The following TMEM87B variants were observed in gnomAD, a reference collection of about 807,000 sequenced individuals.
TMEM87B encodes the protein transmembrane protein 87B.
A neutral mutation model predicts 80.3 loss-of-function variants in TMEM87B; 83 were observed. The observed-to-expected ratio is 1.03, with a 90% CI of 0.87 to 1.24. The LOEUF (loss-of-function observed/expected upper bound fraction) is 1.24. Ranked by LOEUF, TMEM87B falls within the 50% of genes most tolerant of loss-of-function variation. TMEM87B has a pLI of 0.00. For missense variants in TMEM87B, 625 were observed against 674.4 expected, an observed-to-expected ratio of 0.93 and a Z score of 0.81; for synonymous variants, 219 against 230.5, an observed-to-expected ratio of 0.95 and a Z score of 0.45.
chr2:112,074,830 A>G lies in TMEM87B; in HGVS notation c.451-82A>G, dbSNP rs1573694841. 7.2e-6 allele frequency: 10 copies of G among 1,392,792 alleles called. No individual in the cohort carries two copies. In the South Asian group the frequency reaches 1.1e-4, roughly 16 times the overall value. The allele number at this position is 1,392,792 out of a possible 1,614,324, so 86.3% of individuals were successfully genotyped here. A position where few individuals can be genotyped will look rare whatever the true frequency, so the allele number is the denominator to read the frequency against. Reference sequence around the variant, plus strand: ...TTTTTAATTTTTCATTTTTCTTCTAACTTTTTTTCTTAATTATTAAAACAA... The same window carrying G: ...TTTTTAATTTTTCATTTTTCTTCTAGCTTTTTTTCTTAATTATTAAAACAA... On this transcript the variant is annotated intron_variant, in intron 4 of 18. Coordinates refer to ENST00000283206, the MANE Select transcript of TMEM87B (RefSeq NM_032824.3).
At chr2:112,076,054 C>T (rs1028511324) in intron 5 of TMEM87B, among the ~76,000 whole-genome samples, 8 of 152,120 alleles carry the variant, frequency 5.3e-5, no homozygotes, top group Non-Finnish European at 8.8e-5. Context: ...TCATTTCTGA[C>T]AATGTTATCT....
chr2:112,060,076 A>G (rs1678200107), intron 2 of TMEM87B, 39 bp downstream of exon 2: 1 of 1,477,142 alleles, frequency 6.8e-7, no homozygotes, highest in African/African-American at 1.4e-5. Context: ...GACTGGGCGC[A>G]ATGGCTCACG....
intron 17 of TMEM87B, among the ~76,000 whole-genome samples, chr2:112,110,975 C>T (rs909590778): frequency 6.6e-6 from 1 of 152,102 alleles, no homozygotes; most frequent in African/African-American, 2.4e-5. Context: ...TGAATTTTGT[C>T]TACGGTTGTC....
rs779596166 is a variant in TMEM87B at position 112,105,991 on chromosome 2, G to A, written c.1451-11G>A. The A allele has an allele frequency of 9.7e-6, 15 of 1,546,826 alleles. No homozygotes were observed. The Admixed American group carries it at 1.5e-4, about 15-fold the overall frequency. On this transcript the variant is annotated splice_polypyrimidine_tract_variant and intron_variant, in intron 15 of 18. Transcript: ENST00000283206. ...GTGATTTTATATATATGTTTATAAT[G>A]TCTCTCGTAGCCGAAGGAATAAAAT...
At chr2:112,092,333 C>T (rs1043445263) in intron 11 of TMEM87B, among the ~76,000 whole-genome samples, 4 of 152,106 alleles carry the variant, frequency 2.6e-5, no homozygotes, top group Non-Finnish European at 5.9e-5. Context: ...GGCAGAATGT[C>T]CAGGGAAGCC....
Position 112,076,142 on chromosome 2 carries a change from A to C in TMEM87B, c.502-1050A>C, listed in dbSNP as rs1185743517. ...GTGGCAGGTGCCTGGAATTCCAGCT[A>C]CTCGGAGGCTGAGGCACAAGAATTG... On this transcript the variant is annotated intron_variant, in intron 5 of 18. Coordinates refer to ENST00000283206, the MANE Select transcript of TMEM87B (RefSeq NM_032824.3). Among the ~76,000 whole-genome samples the C allele has an allele frequency of 3.9e-5, 6 of 151,992 alleles. No individual in the cohort carries two copies. In the South Asian group the frequency reaches 8.3e-4, roughly 21 times the overall value.
intron 3 of TMEM87B, among the ~76,000 whole-genome samples, chr2:112,066,411 CT>C (rs1214768376): frequency 3.3e-5 from 5 of 152,278 alleles, no homozygotes; most frequent in Non-Finnish European, 4.4e-5. Flanking sequence ...GCCAACTCCA[CT>C]TTTTTTGATG....
In TMEM87B at chr2:112,100,641, A is replaced by G. The variant is rs778315618; in HGVS notation, c.1396A>G (p.Ile466Val). 2.0e-5 allele frequency: 32 copies of G among 1,610,050 alleles called. No individual in the cohort carries two copies. Among genetic ancestry groups the G allele is most frequent in the East Asian group, 1.6e-4 (7 of 44,634 alleles). Residue 466 changes from isoleucine (I) to valine (V), a missense_variant, in exon 15 of 19, where the codon ATA becomes GTA. Ile to Val is a conservative substitution (Grantham distance 29, BLOSUM62 3). Coordinates refer to ENST00000283206, the MANE Select transcript of TMEM87B (RefSeq NM_032824.3). ...NNQRYAFMPLIDDSDDEIEEF... is the reference protein window; with the variant it reads ...NNQRYAFMPLVDDSDDEIEEF... ...CTATAGATATGCCTTCATGCCCTTAATAGATGATTCTGATGATGAAATTGA... is the reference window on the plus strand; with the variant it reads ...CTATAGATATGCCTTCATGCCCTTAGTAGATGATTCTGATGATGAAATTGA...
At chr2:112,087,661 C>A (rs1211285771) in intron 9 of TMEM87B, among the ~76,000 whole-genome samples, 1 of 152,128 alleles carries the variant, frequency 6.6e-6, no homozygotes, top group African/African-American at 2.4e-5. Flanking sequence ...GTGGGTCACC[C>A]CCATCAGCAT....
chr2:112,095,034 A>G (rs1261673340), intron 11 of TMEM87B, among the ~76,000 whole-genome samples: 1 of 151,908 alleles, frequency 6.6e-6, no homozygotes, highest in East Asian at 1.9e-4. Flanking sequence ...CTAAGAATCT[A>G]ATTCTAAAGT....
At position 112,106,019 on chromosome 2, in the gene TMEM87B, AG is replaced by A; in HGVS notation, c.1469del (p.Arg490LysfsTer23). 6.4e-7 allele frequency: 1 copy of A among 1,573,536 alleles called. No homozygotes were observed. The stretch of plus-strand genomic sequence containing the variant: ...TCTCGTAGCCGAAGGAATAAAATTA[AG>A]AGCCTCAAAATCAGTTTCCAATGGA... ...SENLTEGIKLRASKSVSNGTA... is the reference protein window; with the variant it reads ...SENLTEGIKLXASKSVSNGTA... On this transcript the variant is annotated frameshift_variant, in exon 16 of 19. Coordinates refer to ENST00000283206, the MANE Select transcript of TMEM87B (RefSeq NM_032824.3). LOFTEE classifies it high-confidence loss of function.
At chr2:112,110,149 A>C (rs1156796254) in intron 17 of TMEM87B, among the ~76,000 whole-genome samples, 1 of 152,030 alleles carries the variant, frequency 6.6e-6, no homozygotes, top group Non-Finnish European at 1.5e-5. Flanking sequence ...GTCCAGCTTT[A>C]CTTGCTCTCT....
At position 112,116,260 on chromosome 2, in the gene TMEM87B, T is replaced by C; in HGVS notation, c.*117T>C. On this transcript the variant is annotated 3_prime_UTR_variant, in exon 19 of 19. Coordinates refer to ENST00000283206, the MANE Select transcript of TMEM87B (RefSeq NM_032824.3). The stretch of plus-strand genomic sequence containing the variant: ...TTTATTGTGTTATCTTGGAAGTCTG[T>C]GTATCAAAATGAAGAATTCAGATGG... 1.2e-6 allele frequency: 1 copy of C among 847,698 alleles called. No individual in the cohort carries two copies. Among genetic ancestry groups the C allele is most frequent in the Non-Finnish European group, 1.8e-6 (1 of 550,678 alleles). 52.5% of individuals were successfully genotyped at this position (847,698 alleles called of 1,614,324 possible).
intron 17 of TMEM87B, among the ~76,000 whole-genome samples, chr2:112,109,267 A>T (rs1162905567): frequency 6.6e-6 from 1 of 152,144 alleles, no homozygotes; most frequent in Non-Finnish European, 1.5e-5. Context: ...ATGGGTGTAT[A>T]TATTCTTTTA....
At chr2:112,062,462 A>G (rs931142417) in intron 2 of TMEM87B, among the ~76,000 whole-genome samples, 3 of 152,224 alleles carry the variant, frequency 2.0e-5, no homozygotes, top group African/African-American at 7.2e-5. Flanking sequence ...GAAAGTTAGA[A>G]ATAGAAGGAA....
intron 6 of TMEM87B, among the ~76,000 whole-genome samples, chr2:112,078,857 A>G (rs1306992923): frequency 1.3e-5 from 2 of 152,210 alleles, no homozygotes; most frequent in East Asian, 3.8e-4. Flanking sequence ...TGAGTAAATT[A>G]GCAAGGGGGC....
intron 4 of TMEM87B, 54 bp from the exon 5 acceptor site, chr2:112,074,858 T>C: frequency 2.0e-6 from 3 of 1,471,344 alleles, no homozygotes; most frequent in Non-Finnish European, 2.7e-6. Context: ...TAAAACAATT[T>C]TTCTCCGTAG....
Position 112,097,058 on chromosome 2 carries a change from G to T in TMEM87B, c.1119G>T (p.Leu373Phe). Reference protein sequence around the residue: ...SIFVWFIFISLAQTMKTLRLR... With the variant: ...SIFVWFIFISFAQTMKTLRLR... ...ACTTTTTTCACATTTTTATTAGTTT[G>T]GCACAAACTATGAAGACCCTAAGGC... is the stretch of plus-strand genomic sequence containing the variant. Residue 373 changes from leucine (L) to phenylalanine (F), a missense_variant, in exon 12 of 19, where the codon TTG becomes TTT. Physicochemically the swap from Leu to Phe is conservative, Grantham distance 22 (BLOSUM62 0). Transcript: ENST00000283206. 1 of 1,587,630 alleles carries T rather than the reference G, an allele frequency of 6.3e-7. No homozygotes were observed. Among genetic ancestry groups the T allele is most frequent in the Non-Finnish European group, 8.5e-7 (1 of 1,170,810 alleles).
rs1678005659 is a variant in TMEM87B, at chr2:112,055,337, C to T, written c.-255C>T. On this transcript the variant is annotated 5_prime_UTR_variant, in exon 1 of 19. Coordinates refer to ENST00000283206, the MANE Select transcript of TMEM87B (RefSeq NM_032824.3). ...CGCCGCCAACTCCACATCCTGGCTC[C>T]TATCTCTGCCTTCCAGGCATCTCCC... 2 of 500,890 alleles carry T rather than the reference C, an allele frequency of 4.0e-6. No individual in the cohort carries two copies. Among genetic ancestry groups the T allele is most frequent in the Non-Finnish European group, 7.0e-6 (2 of 287,144 alleles). 31.0% of individuals were successfully genotyped at this position (500,890 alleles called of 1,614,324 possible).
Sources: allele counts gnomAD v4.1 joint callset (sites outside exome capture counted in the v4.1 genomes callset), GRCh38; gene constraint gnomAD v4.1.1; transcripts MANE v1.5; gene names NCBI Gene and HGNC (gene_info 2026-07-23, HGNC 2026-07-21).